CHN1: variants seen among roughly 807,000 people sequenced by gnomAD.
The protein encoded by CHN1 is chimerin 1, also known as N-chimaerin.
CHN1 carries 37 observed loss-of-function variants against 59.5 expected under a neutral mutation model. The observed-to-expected ratio is 0.62, with a 90% CI of 0.48 to 0.82. CHN1 has a LOEUF of 0.82. Among genes scored for constraint, CHN1 ranks in the 40% least tolerant of loss-of-function variants. The probability of loss-of-function intolerance (pLI) is 0.00; values close to 1 mark genes in which losing one functional copy is unlikely to be tolerated. For missense variants in CHN1, 469 were observed against 571.0 expected (o/e 0.82, Z 1.82); for synonymous variants, 206 against 200.4 (o/e 1.03, Z -0.24).
intron 5 of CHN1, among the ~76,000 whole-genome samples, chr2:174,904,862 G>A (rs1034006560): frequency 3.9e-5 from 6 of 152,074 alleles, no homozygotes; most frequent in Admixed American, 6.5e-5. Flanking sequence ...GAGGTTACGG[G>A]TTACAAGACA....
Position 175,004,885 on chromosome 2 carries a change from T to C in CHN1, c.19+9A>G, listed in dbSNP as rs1357767492. 3.3e-5 allele frequency: 49 copies of C among 1,499,308 alleles called. No homozygotes were observed. The highest frequency in any genetic ancestry group is 4.4e-5 in the Non-Finnish European group (49 of 1,125,150). 92.9% of individuals were successfully genotyped at this position (1,499,308 alleles called of 1,614,324 possible). On this transcript the variant is annotated intron_variant, in intron 1 of 12. Transcript: ENST00000409900. ...ACCTGCGGCGGCGCGGGGAGACGGCTGCACTTACCAAACAGGGTCAGGGCC... is the reference window on the plus strand; with the variant it reads ...ACCTGCGGCGGCGCGGGGAGACGGCCGCACTTACCAAACAGGGTCAGGGCC...
chr2:174,945,754 C>T (rs1312883372), intron 2 of CHN1, among the ~76,000 whole-genome samples: 5 of 152,026 alleles, frequency 3.3e-5, no homozygotes, highest in African/African-American at 1.2e-4. Context: ...TAACATCAAA[C>T]TACCCAGTAA....
intron 1 of CHN1, among the ~76,000 whole-genome samples, chr2:174,998,177 C>T (rs762050545): frequency 6.6e-6 from 1 of 150,668 alleles, no homozygotes; most frequent in Admixed American, 6.6e-5. Context: ...GTGGCACATG[C>T]CTATGGTCCC....
chr2:174,808,996 G>A lies in CHN1; in HGVS notation c.1011C>T (p.Asn337=). 6.2e-7 allele frequency: 1 copy of A among 1,613,262 alleles called. No individual in the cohort carries two copies. The highest frequency in any genetic ancestry group is 8.5e-7 in the Non-Finnish European group (1 of 1,179,394). ...DISVNMYEDI[N]IITGALKLYF... ...ACAGTTTAAGTGCACCAGTGATAAT[G>A]TTGATATCTTCATACATGTTCACAG... is the stretch of plus-strand genomic sequence containing the variant. Residue 337 remains asparagine, a synonymous_variant, in exon 11 of 13, where the codon AAC becomes AAT. Transcript: ENST00000409900.
rs1363473786 is a variant in CHN1 at position 174,955,178 on chromosome 2, C to CTATATA, written c.20-2977_20-2976insTATATA. 6.3e-4 allele frequency among the ~76,000 whole-genome samples: 7 copies of CTATATA among 11,070 alleles called. No individual in the cohort carries two copies. The South Asian group carries it at 7.4e-3, about 12-fold the overall frequency. The allele number at this position is 11,070 out of a possible 152,430, so 7.3% of individuals were successfully genotyped here. On this transcript the variant is annotated intron_variant, in intron 1 of 12. Coordinates refer to ENST00000409900, the MANE Select transcript of CHN1 (RefSeq NM_001822.7). ...TCTATGTCTATATATCTCTATATATCTATATCTATATATATATATATAATT... is the reference window on the plus strand; with the variant it reads ...TCTATGTCTATATATCTCTATATATCTATATATATATCTATATATATATATATAATT...
chr2:174,896,933 A>G (rs1688234195), intron 5 of CHN1, among the ~76,000 whole-genome samples: 1 of 152,148 alleles, frequency 6.6e-6, no homozygotes, highest in South Asian at 2.1e-4. Context: ...TACTGTAAAT[A>G]TATCAACACT....
Position 174,883,031 on chromosome 2 carries a change from C to T in CHN1, c.261-4903G>A, listed in dbSNP as rs1040679208. Among the ~76,000 whole-genome samples, 5 of 152,296 alleles carry T rather than the reference C, an allele frequency of 3.3e-5. No individual in the cohort carries two copies. In the East Asian group the frequency reaches 7.7e-4, roughly 23 times the overall value. ...AGAAAAGTATTAAATTATGTCAACACATAATGATATTTCCTTGGCCAAATA... is the reference window on the plus strand; with the variant it reads ...AGAAAAGTATTAAATTATGTCAACATATAATGATATTTCCTTGGCCAAATA... On this transcript the variant is annotated intron_variant, in intron 5 of 12. Coordinates refer to ENST00000409900, the MANE Select transcript of CHN1 (RefSeq NM_001822.7).
intron 5 of CHN1, among the ~76,000 whole-genome samples, chr2:174,883,649 A>G (rs1687804665): frequency 6.6e-6 from 1 of 152,164 alleles, no homozygotes; most frequent in Admixed American, 6.5e-5. Flanking sequence ...ATGAAAGACA[A>G]AGACTATGAT....
intron 5 of CHN1, among the ~76,000 whole-genome samples, chr2:174,886,684 C>T (rs1687904105): frequency 6.6e-6 from 1 of 152,228 alleles, no homozygotes; most frequent in African/African-American, 2.4e-5. Context: ...TCTGATGCTG[C>T]CAACAGTCTG....
rs75975325 is a variant in CHN1, at chr2:174,986,458, G to A, written c.19+18436C>T. 3.9e-5 allele frequency among the ~76,000 whole-genome samples: 6 copies of A among 152,172 alleles called. No individual in the cohort carries two copies. The East Asian group carries it at 1.2e-3, about 29-fold the overall frequency. On this transcript the variant is annotated intron_variant, in intron 1 of 12. Transcript: ENST00000409900. ...GTTAAGATACATAGTATGTAAAGAC[G>A]AAAACAAACACAAGACTAATACGAA...
chr2:174,958,877 G>A (rs928705682), intron 1 of CHN1, among the ~76,000 whole-genome samples: 1 of 152,128 alleles, frequency 6.6e-6, no homozygotes, highest in African/African-American at 2.4e-5. Context: ...TCAAGCCGCT[G>A]TTAATGATTT....
At chr2:174,814,773 G>C (rs1685190479) in intron 8 of CHN1, among the ~76,000 whole-genome samples, 1 of 152,140 alleles carries the variant, frequency 6.6e-6, no homozygotes, top group African/African-American at 2.4e-5. Context: ...TTGAACTCAA[G>C]GCTAAAAATT....
At chr2:174,936,292 A>G (rs549628213) in intron 3 of CHN1, among the ~76,000 whole-genome samples, 233 of 152,334 alleles carry the variant, frequency 1.5e-3, no homozygotes, top group African/African-American at 5.1e-3. Flanking sequence ...CTGTGTGGAT[A>G]GCAGGGGGAA....
chr2:174,985,091 C>T (rs1388940807), intron 1 of CHN1, among the ~76,000 whole-genome samples: 2 of 152,206 alleles, frequency 1.3e-5, no homozygotes, highest in East Asian at 3.9e-4. Context: ...TATGATGAGG[C>T]TGAGAAAAAT....
At chr2:174,988,175 G>A (rs982793468) in intron 1 of CHN1, among the ~76,000 whole-genome samples, 9 of 152,064 alleles carry the variant, frequency 5.9e-5, no homozygotes, top group South Asian at 4.2e-4. Context: ...TGGCTAACAC[G>A]GTGAAACCCC....
intron 2 of CHN1, among the ~76,000 whole-genome samples, chr2:174,945,451 T>C (rs1046191701): frequency 6.6e-6 from 1 of 152,176 alleles, no homozygotes; most frequent in African/African-American, 2.4e-5. Flanking sequence ...AAGTTACCAC[T>C]GCTTATTCAA....
chr2:174,865,732 T>C (rs1037137432), intron 6 of CHN1, among the ~76,000 whole-genome samples: 2 of 152,160 alleles, frequency 1.3e-5, no homozygotes, highest in Non-Finnish European at 2.9e-5. Flanking sequence ...TCCTAGTCAG[T>C]AGCAGATTTA....
intron 5 of CHN1, among the ~76,000 whole-genome samples, chr2:174,878,704 C>T (rs751041183): frequency 3.2e-4 from 49 of 152,202 alleles, no homozygotes; most frequent in Non-Finnish European, 6.8e-4. Flanking sequence ...TGGCCACAGG[C>T]CAAGGACTTA....
intron 1 of CHN1, among the ~76,000 whole-genome samples, chr2:174,998,873 T>C (rs914362016): frequency 1.3e-5 from 2 of 152,208 alleles, no homozygotes; most frequent in Non-Finnish European, 2.9e-5. Context: ...CTAATCTTTG[T>C]TTTTAAAGCT....
Sources: allele counts gnomAD v4.1 joint callset (sites outside exome capture counted in the v4.1 genomes callset), GRCh38; gene constraint gnomAD v4.1.1; transcripts MANE v1.5; gene names NCBI Gene and HGNC (gene_info 2026-07-23, HGNC 2026-07-21).